Variants in KCNK2 observed in about 807,000 individuals in gnomAD.
KCNK2 encodes the protein potassium channel subfamily K member 2.
A neutral mutation model predicts 40.5 loss-of-function variants in KCNK2; 21 were observed. The ratio of observed to expected loss-of-function variants is 0.52; its 90% CI spans 0.37 to 0.75. KCNK2 has a LOEUF of 0.75. KCNK2 is among the 30% of genes least tolerant of loss of function. The pLI is 0.00. For synonymous variants in KCNK2, 191 were observed against 202.2 expected (o/e 0.94, Z 0.47); for missense variants, 399 against 531.6 (o/e 0.75, Z 2.45).
At chr1:215,028,324 G>T (rs758668578) in intron 1 of KCNK2, among the ~76,000 whole-genome samples, 5 of 140,238 alleles carry the variant, frequency 3.6e-5, no homozygotes, top group Non-Finnish European at 6.5e-5. Context: ...GGCAGAGGTT[G>T]CAGTGAGCTG....
rs1320834955 is a variant in KCNK2, at chr1:215,071,158, G to GT, written c.35-15206dup. ...GGTTCCAATTGTTCTCCCAATGGGT[G>GT]TTTTGACACTCCATAAATATATTTG... On this transcript the variant is annotated intron_variant, in intron 1 of 6. Transcript: ENST00000391895. 4.6e-5 allele frequency among the ~76,000 whole-genome samples: 7 copies of GT among 152,272 alleles called. No individual in the cohort carries two copies. The East Asian group carries it at 1.4e-3, about 29-fold the overall frequency.
chr1:215,224,422 A>G (rs987571751), intron 6 of KCNK2, among the ~76,000 whole-genome samples: 2 of 152,174 alleles, frequency 1.3e-5, no homozygotes, highest in Non-Finnish European at 2.9e-5. Context: ...AGTATTAAGA[A>G]GTACTGCTCC....
At chr1:215,035,011 A>G (rs1657335427) in intron 1 of KCNK2, among the ~76,000 whole-genome samples, 1 of 151,964 alleles carries the variant, frequency 6.6e-6, no homozygotes, top group Non-Finnish European at 1.5e-5. Flanking sequence ...CCTACAATTT[A>G]TTTACTTATT....
chr1:215,040,294 A>G (rs1657521396), intron 1 of KCNK2, among the ~76,000 whole-genome samples: 1 of 152,192 alleles, frequency 6.6e-6, no homozygotes, highest in Non-Finnish European at 1.5e-5. Context: ...TGTCCATAAG[A>G]CAAATAATAC....
At chr1:215,163,726 G>C (rs1335729923) in intron 3 of KCNK2, among the ~76,000 whole-genome samples, 8 of 152,144 alleles carry the variant, frequency 5.3e-5, no homozygotes, top group Admixed American at 1.3e-4. Flanking sequence ...TATGTTTATT[G>C]ATTTGCGTAT....
At chr1:215,008,540 C>G (rs569251486) in intron 1 of KCNK2, among the ~76,000 whole-genome samples, 1 of 152,130 alleles carries the variant, frequency 6.6e-6, no homozygotes, top group Non-Finnish European at 1.5e-5. Flanking sequence ...ACTGTGGTTC[C>G]CCATATATAA....
At chr1:215,049,597 A>G (rs1657911744) in intron 1 of KCNK2, among the ~76,000 whole-genome samples, 1 of 151,876 alleles carries the variant, frequency 6.6e-6, no homozygotes, top group South Asian at 2.1e-4. Flanking sequence ...CTTTTCTCTT[A>G]TTTTTCTCTA....
Position 215,199,210 on chromosome 1 carries a change from A to G in KCNK2, c.963+4118A>G, listed in dbSNP as rs535654533. Among the ~76,000 whole-genome samples, 79 of 152,234 alleles carry G rather than the reference A, an allele frequency of 5.2e-4. No individual in the cohort carries two copies. In the Middle Eastern group the frequency reaches 0.014, roughly 26 times the overall value. ...GTAGTCCCAGCTACTCAGGAGGCTG[A>G]GGCAGGAGAATTGCTTGGACCCGGG... is the stretch of plus-strand genomic sequence containing the variant. On this transcript the variant is annotated intron_variant, in intron 6 of 6. Transcript: ENST00000444842.
At chr1:215,054,096 C>A (rs1410373816) in intron 1 of KCNK2, among the ~76,000 whole-genome samples, 1 of 152,148 alleles carries the variant, frequency 6.6e-6, no homozygotes, top group East Asian at 1.9e-4. Flanking sequence ...GCATAAGATA[C>A]AAGTCTGTAA....
intron 1 of KCNK2, among the ~76,000 whole-genome samples, chr1:215,009,234 AC>A (rs1283431626): frequency 2.6e-5 from 4 of 152,144 alleles, no homozygotes; most frequent in Non-Finnish European, 5.9e-5. Flanking sequence ...TGTTCCAAAC[AC>A]ATATGCAAAG....
intron 5 of KCNK2, among the ~76,000 whole-genome samples, chr1:215,177,141 T>C (rs1265615908): frequency 6.6e-6 from 1 of 152,210 alleles, no homozygotes; most frequent in Non-Finnish European, 1.5e-5. Flanking sequence ...TGTCTTCTTT[T>C]GAGAAGTGTC....
intron 1 of KCNK2, among the ~76,000 whole-genome samples, chr1:215,049,622 C>G (rs974345573): frequency 2.6e-5 from 4 of 152,088 alleles, no homozygotes; most frequent in African/African-American, 9.7e-5. Flanking sequence ...TTTTACACCT[C>G]TACATGTTAC....
chr1:215,074,923 C>T (rs7528816), intron 1 of KCNK2, among the ~76,000 whole-genome samples: 144,698 of 152,150 alleles, frequency 0.95, 69,236 homozygotes, highest in East Asian at 1. Context: ...GTTTTCTGAA[C>T]TTATTCTGGT....
chr1:215,032,789 C>T (rs1657250935), intron 1 of KCNK2, among the ~76,000 whole-genome samples: 1 of 151,978 alleles, frequency 6.6e-6, no homozygotes, highest in Non-Finnish European at 1.5e-5. Context: ...CTTTTTCCCT[C>T]TATCCTCTCT....
chr1:215,059,576 T>C (rs994470319), intron 1 of KCNK2, among the ~76,000 whole-genome samples: 2 of 152,156 alleles, frequency 1.3e-5, no homozygotes, highest in African/African-American at 4.8e-5. Context: ...ATCCATCGCC[T>C]TGGGGTGAAA....
chr1:215,013,480 T>C (rs900501031), intron 1 of KCNK2, among the ~76,000 whole-genome samples: 5 of 152,162 alleles, frequency 3.3e-5, no homozygotes, highest in African/African-American at 9.7e-5. Flanking sequence ...GGGATTTTAA[T>C]TGGGATAAGT....
chr1:215,060,910 AT>A (rs1435141084), intron 1 of KCNK2, among the ~76,000 whole-genome samples: 1 of 152,190 alleles, frequency 6.6e-6, no homozygotes, highest in African/African-American at 2.4e-5. Flanking sequence ...TTATTTATAT[AT>A]TTTTAAAATT....
At chr1:215,088,135 A>G (rs1221305531) in intron 2 of KCNK2, among the ~76,000 whole-genome samples, 1 of 151,866 alleles carries the variant, frequency 6.6e-6, no homozygotes, top group Non-Finnish European at 1.5e-5. Context: ...CTTTCACTTC[A>G]TTCTCTCTTT....
At position 215,118,912 on chromosome 1, in the gene KCNK2, TTTAA is replaced by T. The variant is rs749451872; in HGVS notation, c.358-5719_358-5716del. 3.9e-5 allele frequency among the ~76,000 whole-genome samples: 6 copies of T among 152,276 alleles called. No individual in the cohort carries two copies. In the South Asian group the frequency reaches 1.0e-3, roughly 26 times the overall value. On this transcript the variant is annotated intron_variant, in intron 2 of 6. Coordinates refer to ENST00000444842, the MANE Select transcript of KCNK2 (RefSeq NM_001017425.3). ...TAGGATGATAGGTGTGACAGCATAT[TTTAA>T]TGAAATCCTGATGATAACAGAGGAG...
Sources: allele counts gnomAD v4.1 joint callset (sites outside exome capture counted in the v4.1 genomes callset), GRCh38; gene constraint gnomAD v4.1.1; transcripts MANE v1.5; gene names NCBI Gene and HGNC (gene_info 2026-07-23, HGNC 2026-07-21).